The following CCDC146 variants were observed in gnomAD, a reference collection of about 807,000 sequenced individuals.
CCDC146 encodes the protein coiled-coil domain containing 146.
In CCDC146, 92 loss-of-function variants were observed where a neutral mutation model predicts 119.3. That is an observed-to-expected ratio of 0.77 (90% CI 0.65 to 0.92). CCDC146 has a LOEUF of 0.92. Ranked by LOEUF, CCDC146 falls within the 40% of genes least tolerant of loss-of-function variation. CCDC146 has a pLI of 0.00. For synonymous variants in CCDC146, 372 were observed against 371.8 expected, an observed-to-expected ratio of 1.00 and a Z score of -0.01; for missense variants, 1,000 against 1,103.0, an observed-to-expected ratio of 0.91 and a Z score of 1.32.
intron 18 of CCDC146, 109 bp from the exon 19 acceptor site, chr7:77,294,554 C>A: frequency 1.1e-6 from 1 of 945,752 alleles, no homozygotes; most frequent in Non-Finnish European, 1.6e-6. Flanking sequence ...GGAGTATCAG[C>A]TAGCACGGTC....
intron 10 of CCDC146, 76 bp downstream of exon 10, chr7:77,273,865 A>G: frequency 7.0e-6 from 6 of 857,258 alleles, no homozygotes; most frequent in Non-Finnish European, 1.1e-5. Context: ...GTGCTCCACA[A>G]AACCTTATCA....
At chr7:77,269,554 C>A (rs1487342555) in intron 9 of CCDC146, among the ~76,000 whole-genome samples, 1 of 152,166 alleles carries the variant, frequency 6.6e-6, no homozygotes, top group Admixed American at 6.5e-5. Flanking sequence ...TGACTGGACA[C>A]AAAATATGTG....
At chr7:77,268,276 A>G (rs1482436702) in intron 9 of CCDC146, among the ~76,000 whole-genome samples, 1 of 152,228 alleles carries the variant, frequency 6.6e-6, no homozygotes, top group Non-Finnish European at 1.5e-5. Flanking sequence ...ATGTTCAAAT[A>G]CAGTTATGGA....
chr7:77,287,920 C>A (rs146934069), intron 17 of CCDC146, among the ~76,000 whole-genome samples: 420 of 152,276 alleles, frequency 2.8e-3, no homozygotes, highest in African/African-American at 9.7e-3. Context: ...CTCACTTATC[C>A]AGTGATCTTA....
chr7:77,246,303 T>G (rs1792947804), intron 4 of CCDC146: 1 of 152,244 alleles, frequency 6.6e-6, no homozygotes, highest in Non-Finnish European at 1.5e-5. Context: ...TCTTGCAACT[T>G]TCACCCATCC....
At chr7:77,260,937 C>G (rs1793284561) in intron 8 of CCDC146, among the ~76,000 whole-genome samples, 1 of 151,938 alleles carries the variant, frequency 6.6e-6, no homozygotes, top group South Asian at 2.1e-4. Flanking sequence ...CTATGTCCTG[C>G]TTTTAAGTAA....
rs183309010 is a variant in CCDC146 at position 77,126,373 on chromosome 7, G to A, written c.-12+3641G>A. ...CTCTGTGGCCACAGCACCTTTGCCC[G>A]AATTCTTGTCCTGCATCCAGGAAGA... is the stretch of plus-strand genomic sequence containing the variant. On this transcript the variant is annotated intron_variant, in intron 1 of 18. Coordinates refer to ENST00000285871, the MANE Select transcript of CCDC146 (RefSeq NM_020879.3). Among the ~76,000 whole-genome samples, 133 of 152,074 alleles carry A rather than the reference G, an allele frequency of 8.7e-4. 5 individuals carry two copies. Among genetic ancestry groups the A allele is most frequent in the African/African-American group, 3.0e-3 (126 of 41,388 alleles).
Position 77,286,842 on chromosome 7 carries a change from C to G in CCDC146, c.2193C>G (p.Phe731Leu). 1 of 1,613,632 alleles carries G rather than the reference C, an allele frequency of 6.2e-7. No homozygotes were observed. Among genetic ancestry groups the G allele is most frequent in the African/African-American group, 1.3e-5 (1 of 74,966 alleles). ...TDRIKDLEKQ[F>L]VKPDGENRAR... ...GAATTAAAGACCTGGAGAAACAGTT[C>G]GTAAAGCCTGATGGTGAGAATAGAG... Residue 731 changes from phenylalanine to leucine, a missense_variant, in exon 16 of 19, where the codon TTC becomes TTG. Physicochemically the swap from Phe to Leu is conservative, Grantham distance 22. Around this residue, in one of 2 missense-constraint regions of CCDC146, gnomAD observed 985 missense variants for 1,045.3 expected, o/e 0.94. Transcript: ENST00000285871.
At chr7:77,289,155 T>C (rs779554521) in intron 17 of CCDC146, among the ~76,000 whole-genome samples, 7 of 152,246 alleles carry the variant, frequency 4.6e-5, no homozygotes, top group Admixed American at 2.0e-4. Flanking sequence ...TGAATTAGCA[T>C]GTCTGATATT....
At chr7:77,192,864 A>G (rs1791795178) in intron 2 of CCDC146, among the ~76,000 whole-genome samples, 1 of 152,192 alleles carries the variant, frequency 6.6e-6, no homozygotes, top group Non-Finnish European at 1.5e-5. Context: ...CAGAGGTTGC[A>G]GTGAGCCGAG....
At chr7:77,245,870 T>TA (rs35387327) in intron 4 of CCDC146, among the ~76,000 whole-genome samples, 1,733 of 147,526 alleles carry the variant, frequency 0.012, 36 homozygotes, top group African/African-American at 0.04. Flanking sequence ...TACCTTAACT[T>TA]AAAAAAAAAA....
chr7:77,161,690 T>C (rs1262590955), intron 1 of CCDC146, among the ~76,000 whole-genome samples: 6 of 149,008 alleles, frequency 4.0e-5, no homozygotes, highest in Non-Finnish European at 8.9e-5. Context: ...TAATGCTAAA[T>C]GACGAGTTAA....
chr7:77,244,034 T>C (rs1394228424), intron 4 of CCDC146, among the ~76,000 whole-genome samples: 2 of 152,170 alleles, frequency 1.3e-5, no homozygotes. Flanking sequence ...CCCACCACCA[T>C]GCCCAGCTAA....
intron 16 of CCDC146, 188 bp from the exon 17 acceptor site, chr7:77,287,252 G>A (rs757394362): frequency 8.1e-6 from 5 of 618,782 alleles, no homozygotes; most frequent in Non-Finnish European, 1.4e-5. Context: ...AGATAGAGCT[G>A]AGGGGGCCAT....
In CCDC146 at chr7:77,250,555, C is replaced by T. The variant is rs181284902; in HGVS notation, c.450-3951C>T. Among the ~76,000 whole-genome samples, 11 of 152,286 alleles carry T rather than the reference C, an allele frequency of 7.2e-5. No individual in the cohort carries two copies. The East Asian group carries it at 1.9e-3, about 27-fold the overall frequency. On this transcript the variant is annotated intron_variant, in intron 4 of 18. Coordinates refer to ENST00000285871, the MANE Select transcript of CCDC146 (RefSeq NM_020879.3). ...GAGAAATCGGATGTAATTCTTTGTT[C>T]CTCCATAGGTAAGTGTGTTTTTCCT...
At chr7:77,249,486 CAAA>C (rs36137608) in intron 4 of CCDC146, among the ~76,000 whole-genome samples, 129 of 96,704 alleles carry the variant, frequency 1.3e-3, no homozygotes, top group Middle Eastern at 4.9e-3. Context: ...GACTCTGTCT[CAAA>C]AAAAAAAAAA....
intron 1 of CCDC146, among the ~76,000 whole-genome samples, chr7:77,166,304 T>C (rs1221876936): frequency 6.6e-6 from 1 of 152,238 alleles, no homozygotes; most frequent in Non-Finnish European, 1.5e-5. Flanking sequence ...CAAAAGGTTT[T>C]ATTTTGAAAT....
At chr7:77,269,114 G>A (rs1217210008) in intron 9 of CCDC146, among the ~76,000 whole-genome samples, 2 of 152,006 alleles carry the variant, frequency 1.3e-5, no homozygotes, top group African/African-American at 2.4e-5. Flanking sequence ...CGCAGATGTT[G>A]GACCTTCTAA....
chr7:77,160,206 G>T (rs1791239852), intron 1 of CCDC146, among the ~76,000 whole-genome samples: 1 of 152,160 alleles, frequency 6.6e-6, no homozygotes. Flanking sequence ...GTAGCGTGAT[G>T]CCTCCAGCTT....
Sources: allele counts gnomAD v4.1 joint callset (sites outside exome capture counted in the v4.1 genomes callset), GRCh38; gene constraint gnomAD v4.1.1; regional missense constraint gnomAD v4.1.1; transcripts MANE v1.5; gene names NCBI Gene and HGNC (gene_info 2026-07-23, HGNC 2026-07-21).